The following STARD13 variants were observed in gnomAD, a reference collection of about 807,000 sequenced individuals.
The protein encoded by STARD13 is stAR-related lipid transfer protein 13.
A neutral mutation model predicts 106.4 loss-of-function variants in STARD13; 62 were observed. The ratio of observed to expected loss-of-function variants is 0.58; its 90% CI spans 0.48 to 0.72. The LOEUF (loss-of-function observed/expected upper bound fraction) is 0.72, where lower values mean the gene tolerates loss of function less well. Among genes scored for constraint, STARD13 ranks in the 30% least tolerant of loss-of-function variants. The probability of loss-of-function intolerance (pLI) is 0.00; values close to 1 mark genes in which losing one functional copy is unlikely to be tolerated. For missense variants in STARD13, 1,387 were observed against 1,424.0 expected, an observed-to-expected ratio of 0.97 and a Z score of 0.42; for synonymous variants, 565 against 553.0, an observed-to-expected ratio of 1.02 and a Z score of -0.31.
chr13:33,167,617 C>A lies in STARD13; in HGVS notation c.175G>T (p.Glu59Ter). The A allele has an allele frequency of 6.2e-7, 1 of 1,614,108 alleles. No individual in the cohort carries two copies. The highest frequency in any genetic ancestry group is 8.5e-7 in the Non-Finnish European group (1 of 1,179,998). ...AGCCAGTCACATGCTTCTTTTGCCT[C>A]AATTTCTGAAAAACACAAGAGAGAT... ...QLVTKIQQEI[E>*]AKEACDWLRA... is the part of the protein sequence containing the mutation. Residue 59 changes from glutamate (E) to a stop codon, truncating the protein, a stop_gained, in exon 2 of 14, where the codon GAG (glutamate) becomes TAG (stop). Transcript: ENST00000336934. LOFTEE classifies it high-confidence loss of function.
chr13:33,286,600 A>G (rs1476239515), upstream of STARD13, among the ~76,000 whole-genome samples: 1 of 152,226 alleles, frequency 6.6e-6, no homozygotes, highest in Non-Finnish European at 1.5e-5. Flanking sequence ...ATGAGGCCAT[A>G]TATATGTCTC....
At chr13:33,667,614 T>G in the STARD13 span, among the ~76,000 whole-genome samples, 1 of 152,234 alleles carries the variant, frequency 6.6e-6, no homozygotes, top group Non-Finnish European at 1.5e-5. Flanking sequence ...CACCATTAGA[T>G]AATGTATCAT....
chr13:33,365,190 A>T, the STARD13 span, among the ~76,000 whole-genome samples: 1 of 152,192 alleles, frequency 6.6e-6, no homozygotes, highest in South Asian at 2.1e-4. Context: ...TAAGAAAGGG[A>T]TGCTGAAGGG....
chr13:33,542,417 A>C, the STARD13 span, among the ~76,000 whole-genome samples: 2 of 152,008 alleles, frequency 1.3e-5, no homozygotes, highest in Middle Eastern at 3.4e-3. Context: ...AGAAACCCAA[A>C]CCCCGTGGGC....
At chr13:33,618,458 G>GA in the STARD13 span, among the ~76,000 whole-genome samples, 2 of 149,206 alleles carry the variant, frequency 1.3e-5, no homozygotes, top group Admixed American at 6.6e-5. Context: ...GTTGAGAAAA[G>GA]ACTTAACAAA....
At chr13:33,344,636 A>G (rs1594288281), downstream of STARD13, among the ~76,000 whole-genome samples, 1 of 152,236 alleles carries the variant, frequency 6.6e-6, no homozygotes, top group Admixed American at 6.5e-5. Flanking sequence ...CATGACAAGA[A>G]CTCACGGAAA....
At chr13:33,347,306 G>T (rs1402500761), downstream of STARD13, among the ~76,000 whole-genome samples, 1 of 152,078 alleles carries the variant, frequency 6.6e-6, no homozygotes, top group Non-Finnish European at 1.5e-5. Context: ...CACAATCTTG[G>T]CTCACTGTAA....
the STARD13 span, among the ~76,000 whole-genome samples, chr13:33,465,705 T>A: frequency 6.6e-6 from 1 of 152,118 alleles, no homozygotes; most frequent in Admixed American, 6.5e-5. Context: ...AAAAATGACA[T>A]GCACTACGCT....
At chr13:33,124,916 T>C (rs1002629380) in intron 7 of STARD13, among the ~76,000 whole-genome samples, 2 of 152,062 alleles carry the variant, frequency 1.3e-5, no homozygotes, top group Non-Finnish European at 1.5e-5. Context: ...CTCACAACAA[T>C]GACAGCAGCC....
chr13:33,111,905 G>T lies in STARD13; in HGVS notation c.2493-13C>A. ...CTTCTGTATGACTCTGTAATTGAAC[G>T]TGAGTGTGCTAAGCAGATCCCACAC... On this transcript the variant is annotated splice_polypyrimidine_tract_variant and intron_variant, in intron 9 of 13. Coordinates refer to ENST00000336934, the MANE Select transcript of STARD13 (RefSeq NM_178006.4). 1 of 1,549,716 alleles carries T rather than the reference G, an allele frequency of 6.5e-7. No individual in the cohort carries two copies. The highest frequency in any genetic ancestry group is 8.9e-7 in the Non-Finnish European group (1 of 1,121,492).
chr13:33,672,906 T>C, the STARD13 span, among the ~76,000 whole-genome samples: 6 of 152,376 alleles, frequency 3.9e-5, no homozygotes, highest in East Asian at 9.6e-4. Context: ...CTGTTCTGAA[T>C]GCTAGGATCC....
At chr13:33,451,774 T>C in the STARD13 span, among the ~76,000 whole-genome samples, 1 of 150,010 alleles carries the variant, frequency 6.7e-6, no homozygotes, top group Non-Finnish European at 1.5e-5. Context: ...ATTTGTGAAG[T>C]TGAAGTAAGA....
intron 1 of STARD13, among the ~76,000 whole-genome samples, chr13:33,323,429 C>A (rs1265130664): frequency 6.6e-6 from 1 of 152,210 alleles, no homozygotes; most frequent in Non-Finnish European, 1.5e-5. Context: ...CCCACTCAGC[C>A]CTTCCCACAA....
At chr13:33,358,104 A>C in the STARD13 span, among the ~76,000 whole-genome samples, 18 of 152,348 alleles carry the variant, frequency 1.2e-4, no homozygotes, top group African/African-American at 4.1e-4. Context: ...GCCCCGGGCA[A>C]TGAGGGACTT....
chr13:33,388,331 A>G, the STARD13 span, among the ~76,000 whole-genome samples: 1 of 152,224 alleles, frequency 6.6e-6, no homozygotes, highest in African/African-American at 2.4e-5. Flanking sequence ...GTGACTGCCT[A>G]GAAGAGGCCA....
the STARD13 span, among the ~76,000 whole-genome samples, chr13:33,547,231 T>G: frequency 3.3e-5 from 5 of 152,210 alleles, no homozygotes; most frequent in African/African-American, 4.8e-5. Flanking sequence ...GTTACACAGA[T>G]GTAGCTATTG....
chr13:33,147,179 T>C (rs1353218409), intron 3 of STARD13, among the ~76,000 whole-genome samples: 3 of 152,184 alleles, frequency 2.0e-5, no homozygotes, highest in Admixed American at 2.0e-4. Flanking sequence ...AACAAGATGC[T>C]AACCAAAAAG....
chr13:33,239,438 T>G (rs1326489041), intron 1 of STARD13, among the ~76,000 whole-genome samples: 3 of 152,164 alleles, frequency 2.0e-5, no homozygotes. Context: ...TTATAATCTT[T>G]TTTAGGAACT....
At chr13:33,645,070 C>T in the STARD13 span, among the ~76,000 whole-genome samples, 6 of 152,116 alleles carry the variant, frequency 3.9e-5, no homozygotes, top group Middle Eastern at 3.2e-3. Flanking sequence ...AACGTGACCT[C>T]GCCGTTCCTC....
Sources: allele counts gnomAD v4.1 joint callset (sites outside exome capture counted in the v4.1 genomes callset), GRCh38; gene constraint gnomAD v4.1.1; transcripts MANE v1.5; gene names NCBI Gene and HGNC (gene_info 2026-07-23, HGNC 2026-07-21).